METTL25: variants seen among roughly 807,000 people sequenced by gnomAD.
The protein encoded by METTL25 is methyltransferase like 25.
In METTL25, 64 loss-of-function variants were observed where a neutral mutation model predicts 71.6. That is an observed-to-expected ratio of 0.89 (90% CI 0.73 to 1.10). METTL25 has a LOEUF of 1.10. Ranked by LOEUF, METTL25 falls within the 50% of genes least tolerant of loss-of-function variation. The probability of loss-of-function intolerance (pLI) is 0.00; values close to 1 mark genes in which losing one functional copy is unlikely to be tolerated. For synonymous variants in METTL25, 287 were observed against 250.3 expected (o/e 1.15, Z -1.38); for missense variants, 807 against 707.0 (o/e 1.14, Z -1.60).
intron 5 of METTL25, among the ~76,000 whole-genome samples, chr12:82,416,517 C>T (rs1888000790): frequency 7.0e-6 from 1 of 143,242 alleles, no homozygotes; most frequent in Non-Finnish European, 1.5e-5. Context: ...GATCATGGTT[C>T]ACTGTAGCCT....
At chr12:82,375,703 CT>C (rs1184676524) in intron 1 of METTL25, among the ~76,000 whole-genome samples, 1 of 152,158 alleles carries the variant, frequency 6.6e-6, no homozygotes, top group Non-Finnish European at 1.5e-5. Context: ...TTTAAACCTA[CT>C]GATGTTTGAG....
chr12:82,434,654 C>G (rs201493319), intron 6 of METTL25, 41 bp from the exon 7 acceptor site: 1 of 1,032,552 alleles, frequency 9.7e-7, no homozygotes, highest in Admixed American at 2.5e-5. Flanking sequence ...TCTTATAAGA[C>G]TCAATATATC....
intron 8 of METTL25, among the ~76,000 whole-genome samples, chr12:82,440,758 AG>A (rs2137191878): frequency 6.6e-6 from 1 of 152,142 alleles, no homozygotes; most frequent in African/African-American, 2.4e-5. Flanking sequence ...CTCACTTCTG[AG>A]GAAACAAAAC....
chr12:82,363,885 T>C (rs1444339146), intron 1 of METTL25, among the ~76,000 whole-genome samples: 1 of 152,162 alleles, frequency 6.6e-6, no homozygotes, highest in Non-Finnish European at 1.5e-5. Context: ...CTGATCCTAA[T>C]TGGGCTAACG....
At chr12:82,398,197 T>A (rs1886252889) in intron 3 of METTL25, among the ~76,000 whole-genome samples, 1 of 151,828 alleles carries the variant, frequency 6.6e-6, no homozygotes, top group East Asian at 1.9e-4. Flanking sequence ...TCCTATATAT[T>A]CTATTTTTAT....
rs150238701 is a variant in METTL25, at chr12:82,374,615, C to T, written c.260-12188C>T. ...TAGAAAAGTTCTCCAAGTCCCCACC[C>T]GACCCAGAAGCCCAGCTGGATTCAC... On this transcript the variant is annotated intron_variant, in intron 1 of 11. Coordinates refer to ENST00000248306, the MANE Select transcript of METTL25 (RefSeq NM_032230.3). 2.6e-3 allele frequency among the ~76,000 whole-genome samples: 398 copies of T among 152,312 alleles called. 2 individuals are homozygous for T. The highest frequency in any genetic ancestry group is 8.9e-3 in the African/African-American group (370 of 41,570).
chr12:82,460,551 T>C (rs1270554349), intron 9 of METTL25, among the ~76,000 whole-genome samples: 3 of 152,196 alleles, frequency 2.0e-5, no homozygotes, highest in Admixed American at 6.5e-5. Context: ...TGTACTTTAT[T>C]CCTATGATAG....
chr12:82,438,834 TA>T, intron 8 of METTL25, 43 bp downstream of exon 8: 1 of 1,453,198 alleles, frequency 6.9e-7, no homozygotes, highest in Non-Finnish European at 9.2e-7. Context: ...TGTTATATTG[TA>T]AGTAAAGTGA....
At chr12:82,381,808 A>C (rs1884467411) in intron 1 of METTL25, among the ~76,000 whole-genome samples, 1 of 152,262 alleles carries the variant, frequency 6.6e-6, no homozygotes, top group South Asian at 2.1e-4. Flanking sequence ...GTAAATTTCC[A>C]TTTTAGAAAA....
chr12:82,400,336 A>G (rs1404835851), intron 4 of METTL25, among the ~76,000 whole-genome samples: 3 of 122,930 alleles, frequency 2.4e-5, no homozygotes, highest in Non-Finnish European at 5.7e-5. Context: ...TGTCCCCCCC[A>G]ACAAAAAAAA....
chr12:82,420,352 A>G (rs1348845493), intron 5 of METTL25, among the ~76,000 whole-genome samples: 1 of 152,184 alleles, frequency 6.6e-6, no homozygotes, highest in African/African-American at 2.4e-5. Flanking sequence ...TCCTTTTACT[A>G]CAAATGGAGA....
chr12:82,446,256 G>A (rs1319835983), intron 8 of METTL25, among the ~76,000 whole-genome samples: 1 of 152,114 alleles, frequency 6.6e-6, no homozygotes, highest in Non-Finnish European at 1.5e-5. Flanking sequence ...TTTTAGTAAT[G>A]TACCGATTAG....
In METTL25 at chr12:82,358,575, T is replaced by C. The variant is rs773576790; in HGVS notation, c.10T>C (p.Ser4Pro). The C allele has an allele frequency of 6.2e-7, 1 of 1,611,204 alleles. No homozygotes were observed. The highest frequency in any genetic ancestry group is 1.7e-5 in the Admixed American group (1 of 60,022). The change falls in exon 1 of 12, where the codon TCT becomes CCT. Residue 4 changes from serine to proline, a missense_variant. Ser to Pro is a moderately conservative substitution (Grantham distance 74). Coordinates refer to ENST00000248306, the MANE Select transcript of METTL25 (RefSeq NM_032230.3). ...TCGGAGGGTGAGCGTCATGGCGGCT[T>C]CTTGCCCTCTCCCGGTGACCCCGGA... MAA[S>P]CPLPVTPDLP...
chr12:82,414,844 T>C (rs1156716492), intron 5 of METTL25, among the ~76,000 whole-genome samples: 1 of 152,154 alleles, frequency 6.6e-6, no homozygotes, highest in Non-Finnish European at 1.5e-5. Context: ...ATTTCTTTTT[T>C]CCTGTGGTAA....
intron 8 of METTL25, 75 bp from the exon 9 acceptor site, chr12:82,456,652 A>G (rs1891511842): frequency 2.6e-6 from 2 of 760,780 alleles, no homozygotes; most frequent in Admixed American, 5.6e-5. Context: ...ATTTAAAAAT[A>G]TTTCATGATT....
intron 1 of METTL25, among the ~76,000 whole-genome samples, chr12:82,373,634 G>T (rs1273548055): frequency 6.6e-6 from 1 of 152,180 alleles, no homozygotes; most frequent in African/African-American, 2.4e-5. Flanking sequence ...TCTCGCTGGG[G>T]CGACATAACT....
intron 1 of METTL25, among the ~76,000 whole-genome samples, chr12:82,368,296 A>G (rs999222570): frequency 2.0e-5 from 3 of 152,224 alleles, no homozygotes; most frequent in Non-Finnish European, 4.4e-5. Flanking sequence ...AACACATCTC[A>G]TTTAACCAAT....
At chr12:82,404,233 A>G (rs966740520) in intron 5 of METTL25, among the ~76,000 whole-genome samples, 16 of 152,120 alleles carry the variant, frequency 1.1e-4, no homozygotes, top group African/African-American at 3.6e-4. Flanking sequence ...GAAAGAAAGC[A>G]AATTAGCAAA....
At chr12:82,407,763 A>G (rs1301442285) in intron 5 of METTL25, 3 of 964,816 alleles carry the variant, frequency 3.1e-6, no homozygotes, top group Non-Finnish European at 3.7e-6. Context: ...TAAGAGAAAA[A>G]TGTGGAAAAA....
Sources: gnomAD v4.1 joint callset for allele counts (sites outside exome capture counted in the v4.1 genomes callset) on GRCh38, gnomAD v4.1.1 for gene constraint, MANE v1.5 for transcripts, NCBI Gene and HGNC (gene_info 2026-07-23, HGNC 2026-07-21) for gene names.